The following CCDC7 variants were observed in gnomAD, a reference collection of about 807,000 sequenced individuals.
The protein encoded by CCDC7 is coiled-coil domain-containing protein 7.
Under a neutral mutation model 196.9 loss-of-function variants are expected in CCDC7, and 183 were observed. That is an observed-to-expected ratio of 0.93 (90% CI 0.82 to 1.05). CCDC7 has a LOEUF of 1.05. Ranked by LOEUF, CCDC7 falls within the 50% of genes least tolerant of loss-of-function variation. The pLI is 0.00. For missense variants in CCDC7, 1,540 were observed against 1,482.2 expected (o/e 1.04, Z -0.64); for synonymous variants, 525 against 484.6 (o/e 1.08, Z -1.10).
At chr10:32,766,193 G>A (rs1302782889) in intron 28 of CCDC7, among the ~76,000 whole-genome samples, 2 of 152,020 alleles carry the variant, frequency 1.3e-5, no homozygotes, top group African/African-American at 4.8e-5. Flanking sequence ...GGAATGGGAC[G>A]TGTCAAGATA....
Position 32,522,367 on chromosome 10 carries a change from C to T in CCDC7, c.993+3862C>T, listed in dbSNP as rs79738022. Among the ~76,000 whole-genome samples the T allele has an allele frequency of 7.9e-3, 1,204 of 152,094 alleles. 7 individuals carry two copies. Among genetic ancestry groups the T allele is most frequent in the Middle Eastern group, 0.02 (6 of 294 alleles). ...TCTCGTTACTTTTTGTTGGTCAGTTCAGGTTTTGGATTTTTTCATGTTTCA... is the reference window on the plus strand; with the variant it reads ...TCTCGTTACTTTTTGTTGGTCAGTTTAGGTTTTGGATTTTTTCATGTTTCA... On this transcript the variant is annotated intron_variant, in intron 11 of 41. Transcript: ENST00000639629.
chr10:32,822,673 T>C (rs2090459358), intron 31 of CCDC7, among the ~76,000 whole-genome samples: 1 of 152,148 alleles, frequency 6.6e-6, no homozygotes, highest in East Asian at 1.9e-4. Flanking sequence ...CAGTAGAATG[T>C]AATTAGTGTA....
intron 32 of CCDC7, among the ~76,000 whole-genome samples, chr10:32,833,777 G>C (rs1462259514): frequency 2.6e-5 from 4 of 151,972 alleles, no homozygotes; most frequent in Admixed American, 2.0e-4. Flanking sequence ...TTTCTATACA[G>C]ATTGTAATGG....
chr10:32,646,418 T>A (rs1311038984), intron 20 of CCDC7, among the ~76,000 whole-genome samples: 7 of 152,178 alleles, frequency 4.6e-5, no homozygotes, highest in Non-Finnish European at 8.8e-5. Flanking sequence ...ATTAAAAAAA[T>A]TGTTAAAACT....
intron 9 of CCDC7, among the ~76,000 whole-genome samples, chr10:32,506,844 C>G (rs373164068): frequency 1.4e-4 from 22 of 151,814 alleles, no homozygotes; most frequent in Admixed American, 3.3e-4. Flanking sequence ...AGAGGGAGAC[C>G]GTAGAAAGAA....
intron 41 of CCDC7, among the ~76,000 whole-genome samples, chr10:32,859,686 AAAG>A (rs2093897615): frequency 6.6e-6 from 1 of 152,136 alleles, no homozygotes; most frequent in South Asian, 2.1e-4. Context: ...ATAAAAAAGA[AAAG>A]AGAAGAATCA....
At chr10:32,602,335 G>T (rs1399749629) in intron 18 of CCDC7, among the ~76,000 whole-genome samples, 1 of 152,150 alleles carries the variant, frequency 6.6e-6, no homozygotes, top group African/African-American at 2.4e-5. Context: ...ATCTTTAAGA[G>T]CTGTAACACT....
intron 9 of CCDC7, among the ~76,000 whole-genome samples, chr10:32,502,003 C>T (rs974718268): frequency 6.6e-6 from 1 of 152,170 alleles, no homozygotes; most frequent in African/African-American, 2.4e-5. Flanking sequence ...CCAGTTCGAA[C>T]TTCCTGGCGG....
chr10:32,550,153 G>GTTT (rs536415779), intron 13 of CCDC7, among the ~76,000 whole-genome samples: 3 of 140,354 alleles, frequency 2.1e-5, no homozygotes, highest in Non-Finnish European at 3.1e-5. Context: ...ATATTCTTAA[G>GTTT]TTTTTTTTTT....
intron 41 of CCDC7, among the ~76,000 whole-genome samples, chr10:32,872,289 C>T (rs994852556): frequency 6.6e-6 from 1 of 151,884 alleles, no homozygotes; most frequent in Non-Finnish European, 1.5e-5. Flanking sequence ...GAATTGATCC[C>T]TTTACCATTA....
intron 18 of CCDC7, among the ~76,000 whole-genome samples, chr10:32,600,289 C>T (rs541337183): frequency 1.2e-4 from 16 of 137,376 alleles, no homozygotes; most frequent in East Asian, 8.6e-4. Context: ...TCATTTGTTG[C>T]GTATATTTCT....
chr10:32,685,061 CT>C (rs369531393), intron 21 of CCDC7, among the ~76,000 whole-genome samples: 60 of 151,914 alleles, frequency 3.9e-4, no homozygotes, highest in African/African-American at 1.4e-3. Context: ...GTTCACCCTC[CT>C]TCATCTTGTA....
intron 25 of CCDC7, among the ~76,000 whole-genome samples, chr10:32,719,637 T>TA: frequency 6.6e-6 from 1 of 152,160 alleles, no homozygotes; most frequent in Non-Finnish European, 1.5e-5. Context: ...AAAGGACTAA[T>TA]ATCCAGAATC....
exon 24 of CCDC7, chr10:32,694,950 A>T (rs753044160): frequency 6.2e-7 from 1 of 1,606,496 alleles, no homozygotes; most frequent in Admixed American, 1.7e-5. Flanking sequence ...GGAAATGCAA[A>T]TTGAAAAAAC....
rs1456464355 is a variant in CCDC7 at position 32,626,631 on chromosome 10, G to A, written c.1802-7623G>A. On this transcript the variant is annotated intron_variant, in intron 18 of 41. Coordinates refer to ENST00000639629, the Ensembl canonical transcript of CCDC7. ...CTTTTGGGGTCAAATAAAAAAAATT[G>A]CCTACACCAATGCTGTGCAGCTTTT... Among the ~76,000 whole-genome samples the A allele has an allele frequency of 3.3e-5, 5 of 151,914 alleles. No individual in the cohort carries two copies. The East Asian group carries it at 7.7e-4, about 24-fold the overall frequency.
At chr10:32,560,483 ACT>A (rs1266341514) in intron 13 of CCDC7, among the ~76,000 whole-genome samples, 5 of 152,180 alleles carry the variant, frequency 3.3e-5, no homozygotes, top group Non-Finnish European at 7.3e-5. Context: ...CTCAGCAGAA[ACT>A]CTGCAAGCCA....
chr10:32,750,876 C>T (rs2075551718), intron 28 of CCDC7, among the ~76,000 whole-genome samples: 1 of 152,194 alleles, frequency 6.6e-6, no homozygotes, highest in Admixed American at 6.5e-5. Context: ...CATAATATTT[C>T]AGAGTAATTT....
At chr10:32,723,471 A>T (rs1226722782) in intron 25 of CCDC7, among the ~76,000 whole-genome samples, 1 of 152,130 alleles carries the variant, frequency 6.6e-6, no homozygotes, top group East Asian at 1.9e-4. Flanking sequence ...CGGGGTGGCT[A>T]ACAGGGAAGC....
At chr10:32,826,229 A>C (rs1419377863) in intron 32 of CCDC7, among the ~76,000 whole-genome samples, 1 of 152,228 alleles carries the variant, frequency 6.6e-6, no homozygotes, top group East Asian at 1.9e-4. Flanking sequence ...CCCACATGGA[A>C]GTGCACTATA....
Sources: allele counts gnomAD v4.1 joint callset (sites outside exome capture counted in the v4.1 genomes callset), GRCh38; gene constraint gnomAD v4.1.1; transcripts MANE v1.5; gene names NCBI Gene and HGNC (gene_info 2026-07-23, HGNC 2026-07-21).